The following PPFIBP1 variants were observed in gnomAD, a reference collection of about 807,000 sequenced individuals.
PPFIBP1 encodes the protein PPFIB scaffold protein 1.
PPFIBP1 carries 112 observed loss-of-function variants against 137.8 expected under a neutral mutation model. The observed-to-expected ratio is 0.81, with a 90% CI of 0.70 to 0.95. The LOEUF (loss-of-function observed/expected upper bound fraction) is 0.95. Ranked by LOEUF, PPFIBP1 falls within the 40% of genes least tolerant of loss-of-function variation. The probability of loss-of-function intolerance (pLI) is 0.00; values close to 1 mark genes in which losing one functional copy is unlikely to be tolerated. For synonymous variants in PPFIBP1, 378 were observed against 417.3 expected (o/e 0.91, Z 1.15); for missense variants, 1,083 against 1,196.6 (o/e 0.91, Z 1.40).
At chr12:27,634,128 C>T (rs1327941970) in intron 3 of PPFIBP1, among the ~76,000 whole-genome samples, 2 of 150,766 alleles carry the variant, frequency 1.3e-5, no homozygotes, top group African/African-American at 4.9e-5. Flanking sequence ...AGCCACCGTA[C>T]CCGGCCATAT....
At chr12:27,673,415 C>G (rs149777613) in intron 15 of PPFIBP1, among the ~76,000 whole-genome samples, 2 of 152,136 alleles carry the variant, frequency 1.3e-5, no homozygotes, top group Middle Eastern at 3.2e-3. Flanking sequence ...ATAAATAGTA[C>G]GTGAGTATTT....
chr12:27,666,375 G>C (rs1275900779), intron 12 of PPFIBP1, among the ~76,000 whole-genome samples: 1 of 148,488 alleles, frequency 6.7e-6, no homozygotes, highest in Non-Finnish European at 1.5e-5. Context: ...AATTCTAATA[G>C]AATTAGAATA....
At chr12:27,525,548 G>T (rs1004099904) in intron 1 of PPFIBP1, among the ~76,000 whole-genome samples, 6 of 148,338 alleles carry the variant, frequency 4.0e-5, no homozygotes, top group African/African-American at 1.5e-4. Context: ...TAAGCGCTGA[G>T]ACTCCTGAGT....
intron 2 of PPFIBP1, among the ~76,000 whole-genome samples, chr12:27,628,837 A>G (rs1451770700): frequency 6.6e-6 from 1 of 152,236 alleles, no homozygotes; most frequent in African/African-American, 2.4e-5. Context: ...AGAAATAAAG[A>G]AGAGAACTGA....
chr12:27,563,642 C>T (rs1240948508), intron 1 of PPFIBP1, among the ~76,000 whole-genome samples: 2 of 152,084 alleles, frequency 1.3e-5, no homozygotes, highest in African/African-American at 4.8e-5. Context: ...ACAACCCCCA[C>T]AGCCAGCAAG....
chr12:27,528,800 G>A (rs796767402), intron 1 of PPFIBP1, among the ~76,000 whole-genome samples: 38 of 152,248 alleles, frequency 2.5e-4, no homozygotes, highest in African/African-American at 9.1e-4. Flanking sequence ...GAGGAGGAGA[G>A]AGAACCTGAG....
chr12:27,660,552 T>C (rs1162403503), intron 10 of PPFIBP1, among the ~76,000 whole-genome samples: 1 of 152,234 alleles, frequency 6.6e-6, no homozygotes, highest in Non-Finnish European at 1.5e-5. Flanking sequence ...ATTCCTGTTT[T>C]AGAAACGTTA....
Position 27,660,930 on chromosome 12 carries a change from A to G in PPFIBP1, c.891A>G (p.Ala297=), listed in dbSNP as rs1180865115. 1.2e-6 allele frequency: 2 copies of G among 1,613,212 alleles called. No homozygotes were observed. The highest frequency in any genetic ancestry group is 1.3e-5 in the African/African-American group (1 of 74,906). ...KMKKAVESLM[A]ANEEKDRKIE... ...AAAAAGCTGTGGAGTCCTTGATGGC[A>G]GCAAATGAAGAAAAGGTATCCAGAT... The change falls in exon 11 of 30, where the codon GCA becomes GCG. Residue 297 remains alanine (A), a synonymous_variant. Transcript: ENST00000228425.
intron 7 of PPFIBP1, among the ~76,000 whole-genome samples, chr12:27,653,431 A>T (rs970086901): frequency 1.3e-5 from 2 of 152,072 alleles, no homozygotes; most frequent in African/African-American, 4.8e-5. Context: ...TACTAAAAAT[A>T]CAAAAATTAT....
chr12:27,606,230 A>G (rs2054508657), intron 2 of PPFIBP1, among the ~76,000 whole-genome samples: 2 of 152,224 alleles, frequency 1.3e-5, no homozygotes, highest in Non-Finnish European at 2.9e-5. Context: ...AGTATTAAAA[A>G]TCACTGTCTC....
chr12:27,631,724 C>G (rs77720834), intron 2 of PPFIBP1, among the ~76,000 whole-genome samples: 2 of 151,914 alleles, frequency 1.3e-5, no homozygotes, highest in East Asian at 3.9e-4. Context: ...GAGAAGAACT[C>G]GGTAACTATT....
chr12:27,665,017 G>A (rs74978218), intron 12 of PPFIBP1, among the ~76,000 whole-genome samples: 3,142 of 152,164 alleles, frequency 0.021, 110 homozygotes, highest in African/African-American at 0.072. Flanking sequence ...GTGATACCAC[G>A]TCTCTACTAA....
chr12:27,654,320 G>C (rs941935983), intron 7 of PPFIBP1: 3 of 152,952 alleles, frequency 2.0e-5, no homozygotes, highest in African/African-American at 7.2e-5. Context: ...AAAGGTAAAT[G>C]GCTTTACTAA....
intron 13 of PPFIBP1, among the ~76,000 whole-genome samples, chr12:27,669,284 T>C (rs1383586373): frequency 6.6e-6 from 1 of 152,182 alleles, no homozygotes; most frequent in Non-Finnish European, 1.5e-5. Flanking sequence ...AGTTAAGGAA[T>C]AAGAAATACT....
intron 4 of PPFIBP1, among the ~76,000 whole-genome samples, chr12:27,642,977 G>T (rs2058219865): frequency 1.3e-5 from 2 of 151,922 alleles, no homozygotes; most frequent in African/African-American, 4.8e-5. Context: ...GAGGAAGAAG[G>T]TGTCTAAGGG....
intron 17 of PPFIBP1, 21 bp from the exon 18 acceptor site, chr12:27,676,407 C>G: frequency 6.9e-7 from 1 of 1,458,518 alleles, no homozygotes; most frequent in African/African-American, 1.4e-5. Context: ...AGCTGTTTCA[C>G]TATTCTTATT....
intron 1 of PPFIBP1, among the ~76,000 whole-genome samples, chr12:27,543,984 A>G (rs1468394181): frequency 2.0e-5 from 3 of 147,882 alleles, no homozygotes; most frequent in African/African-American, 7.5e-5. Context: ...GGCTCAAGCT[A>G]TCCTCCCACC....
chr12:27,535,391 T>G (rs1565720225), intron 1 of PPFIBP1, among the ~76,000 whole-genome samples: 1 of 151,258 alleles, frequency 6.6e-6, no homozygotes, highest in Admixed American at 6.6e-5. Context: ...CAATGTTGTT[T>G]TTGTTGTTGT....
intron 13 of PPFIBP1, among the ~76,000 whole-genome samples, chr12:27,670,418 A>G (rs1292996512): frequency 3.9e-5 from 6 of 152,240 alleles, no homozygotes; most frequent in Admixed American, 3.9e-4. Flanking sequence ...ACTAGTACAC[A>G]CATAGAATAA....
Sources: gnomAD v4.1 joint callset for allele counts (sites outside exome capture counted in the v4.1 genomes callset) on GRCh38, gnomAD v4.1.1 for gene constraint, MANE v1.5 for transcripts, NCBI Gene and HGNC (gene_info 2026-07-23, HGNC 2026-07-21) for gene names.